The following BEND5 variants were observed in gnomAD, a reference collection of about 807,000 sequenced individuals.
The protein encoded by BEND5 is BEN domain-containing protein 5.
In BEND5, 22 loss-of-function variants were observed where a neutral mutation model predicts 43.9. The ratio of observed to expected loss-of-function variants is 0.50; its 90% CI spans 0.36 to 0.72. BEND5 has a LOEUF of 0.72. BEND5 is among the 30% of genes least tolerant of loss of function. The pLI, the probability that BEND5 is intolerant of heterozygous loss-of-function variation, is 0.00. For missense variants in BEND5, 428 were observed against 550.6 expected, an observed-to-expected ratio of 0.78 and a Z score of 2.23; for synonymous variants, 228 against 225.9, an observed-to-expected ratio of 1.01 and a Z score of -0.08.
intron 3 of BEND5, among the ~76,000 whole-genome samples, chr1:48,747,253 A>G (rs772148597): frequency 2.0e-5 from 3 of 152,162 alleles, no homozygotes; most frequent in Non-Finnish European, 4.4e-5. Flanking sequence ...TTTTTTTTTA[A>G]AAAAGGGCTT....
chr1:48,771,001 T>G (rs943949604), intron 1 of BEND5, among the ~76,000 whole-genome samples: 1 of 152,190 alleles, frequency 6.6e-6, no homozygotes, highest in Admixed American at 6.5e-5. Flanking sequence ...TCTCTTTTCT[T>G]GGGTAAAACA....
chr1:48,776,611 A>T lies in BEND5; in HGVS notation c.221T>A (p.Leu74Gln), dbSNP rs1201779222. The change falls in exon 1 of 6, where the codon CTG (leucine) becomes CAG (glutamine). Residue 74 changes from leucine (L) to glutamine (Q), a missense_variant. Leu to Gln is a moderately radical substitution (Grantham distance 113, BLOSUM62 -2). Coordinates refer to ENST00000371833, the MANE Select transcript of BEND5 (RefSeq NM_024603.4). ...CTCCCCGCCCGCTTGCTCACCTGCC[A>T]GCGCCAGGATCTGGGCCTTGTGGAG... ...LLLHKAQILA[L>Q]AEDKSDLENS... 3 of 1,308,094 alleles carry T rather than the reference A, an allele frequency of 2.3e-6. 1 individual carries two copies. The highest frequency in any genetic ancestry group is 7.3e-5 in the Admixed American group (2 of 27,214). The allele number at this position is 1,308,094 out of a possible 1,614,324, so 81.0% of individuals were successfully genotyped here. A position where few individuals can be genotyped will look rare whatever the true frequency, so the allele number is the denominator to read the frequency against.
chr1:48,740,036 A>G (rs1649666762), intron 4 of BEND5, among the ~76,000 whole-genome samples: 1 of 152,250 alleles, frequency 6.6e-6, no homozygotes, highest in Non-Finnish European at 1.5e-5. Flanking sequence ...ACAAAGCAGT[A>G]AGAAATTGAT....
intron 3 of BEND5, among the ~76,000 whole-genome samples, chr1:48,749,983 AC>A (rs1297650315): frequency 1.3e-5 from 2 of 152,138 alleles, no homozygotes; most frequent in Non-Finnish European, 2.9e-5. Flanking sequence ...TTCCTGAGGG[AC>A]CACTGTGGGC....
In BEND5 at chr1:48,776,668, G is replaced by T; in HGVS notation, c.164C>A (p.Pro55Gln). 1 of 1,498,994 alleles carries T rather than the reference G, an allele frequency of 6.7e-7. No individual in the cohort carries two copies. Among genetic ancestry groups the T allele is most frequent in the Middle Eastern group, 2.1e-4 (1 of 4,824 alleles). The allele number at this position is 1,498,994 out of a possible 1,614,324, so 92.9% of individuals were successfully genotyped here. A position where few individuals can be genotyped will look rare whatever the true frequency, so the allele number is the denominator to read the frequency against. Residue 55 changes from proline (P) to glutamine (Q), a missense_variant, in exon 1 of 6, where the codon CCG becomes CAG. Around this residue, in one of 4 missense-constraint regions of BEND5, gnomAD observed 107 missense variants for 98.8 expected, o/e 1.08. Coordinates refer to ENST00000371833, the MANE Select transcript of BEND5 (RefSeq NM_024603.4). ...EELGAGPESP[P>Q]RAPRDWGALL... ...CGCGCCCCAGTCGCGGGGGGCGCGC[G>T]GGGGGCTCTCGGGCCCGGCGCCCAA...
At chr1:48,729,916 G>A (rs1200349577) in intron 5 of BEND5, among the ~76,000 whole-genome samples, 1 of 152,176 alleles carries the variant, frequency 6.6e-6, no homozygotes, top group Admixed American at 6.5e-5. Context: ...GAAGGTAGGA[G>A]GCCCTGTCTC....
intron 4 of BEND5, among the ~76,000 whole-genome samples, chr1:48,738,303 A>G (rs553290629): frequency 6.6e-6 from 1 of 152,256 alleles, no homozygotes; most frequent in African/African-American, 2.4e-5. Context: ...TGCTGCAGGC[A>G]ATCAGATAAC....
intron 3 of BEND5, among the ~76,000 whole-genome samples, chr1:48,744,926 C>T (rs1650498419): frequency 6.6e-6 from 1 of 152,230 alleles, no homozygotes; most frequent in Admixed American, 6.5e-5. Flanking sequence ...GTCTGCCAAG[C>T]ACCCAGTTAG....
intron 3 of BEND5, among the ~76,000 whole-genome samples, chr1:48,750,269 G>A (rs527620327): frequency 6.6e-6 from 1 of 152,302 alleles, no homozygotes; most frequent in African/African-American, 2.4e-5. Context: ...TGTAGGAGGG[G>A]CTGGGGTAGT....
intron 3 of BEND5, among the ~76,000 whole-genome samples, chr1:48,755,845 C>T (rs77126389): frequency 0.014 from 2,150 of 152,298 alleles, 21 homozygotes; most frequent in Middle Eastern, 0.041. Flanking sequence ...TTCCTAGGCT[C>T]AGAAAGCATT....
In BEND5 at chr1:48,727,824, C is replaced by T; in HGVS notation, c.*62G>A. 6.7e-7 allele frequency: 1 copy of T among 1,487,228 alleles called. No individual in the cohort carries two copies. The highest frequency in any genetic ancestry group is 9.3e-7 in the Non-Finnish European group (1 of 1,080,750). 92.1% of individuals were successfully genotyped at this position (1,487,228 alleles called of 1,614,324 possible). A position where few individuals can be genotyped will look rare whatever the true frequency, so the allele number is the denominator to read the frequency against. ...CGGTGGGGTCTGATTTGGACGGCAC[C>T]ATCGCTCGCAAATCACATGCCACAC... On this transcript the variant is annotated 3_prime_UTR_variant, in exon 6 of 6. Transcript: ENST00000371833.
chr1:48,764,600 A>G (rs1295601447), intron 1 of BEND5, among the ~76,000 whole-genome samples: 1 of 152,232 alleles, frequency 6.6e-6, no homozygotes, highest in East Asian at 1.9e-4. Context: ...GTGGCCTTGA[A>G]TGCCAAGTTA....
At position 48,776,707 on chromosome 1, in the gene BEND5, C is replaced by G; in HGVS notation, c.125G>C (p.Arg42Pro). Residue 42 changes from arginine to proline, a missense_variant, in exon 1 of 6, where the codon CGG (arginine) becomes CCG (proline). Arg to Pro is a moderately radical substitution (Grantham distance 103, BLOSUM62 -2). Around this residue, in one of 4 missense-constraint regions of BEND5, gnomAD observed 107 missense variants for 98.8 expected, o/e 1.08. Transcript: ENST00000371833. ...CCCGGCGCCCAATTCCTCCGGGCCC[C>G]GGTACACGGCGTACACCTTCTGGTT... is the stretch of plus-strand genomic sequence containing the variant. ...FDNQKVYAVY[R>P]GPEELGAGPE... The G allele has an allele frequency of 6.6e-7, 1 of 1,520,654 alleles. No individual in the cohort carries two copies. The highest frequency in any genetic ancestry group is 8.8e-7 in the Non-Finnish European group (1 of 1,135,008). The allele number at this position is 1,520,654 out of a possible 1,614,324, so 94.2% of individuals were successfully genotyped here.
chr1:48,731,409 C>G (rs761081383), intron 5 of BEND5, among the ~76,000 whole-genome samples: 2 of 152,112 alleles, frequency 1.3e-5, no homozygotes, highest in Non-Finnish European at 2.9e-5. Context: ...TTCTCATTCA[C>G]GTACAAGGCA....
intron 4 of BEND5, among the ~76,000 whole-genome samples, chr1:48,742,162 T>C (rs1276154821): frequency 6.6e-6 from 1 of 152,214 alleles, no homozygotes; most frequent in Non-Finnish European, 1.5e-5. Flanking sequence ...ATTCCTGTTA[T>C]CTAGCACAGG....
intron 1 of BEND5, among the ~76,000 whole-genome samples, chr1:48,765,888 A>G (rs1644504429): frequency 6.6e-6 from 1 of 152,234 alleles, no homozygotes; most frequent in Non-Finnish European, 1.5e-5. Flanking sequence ...AAAGTAGTTT[A>G]GTTGTTACCA....
At chr1:48,749,834 A>G (rs556288085) in intron 3 of BEND5, among the ~76,000 whole-genome samples, 2 of 152,350 alleles carry the variant, frequency 1.3e-5, no homozygotes, top group South Asian at 4.1e-4. Context: ...GGGTATGTGC[A>G]GAACGCCCTG....
At chr1:48,767,069 T>C (rs1644566742) in intron 1 of BEND5, among the ~76,000 whole-genome samples, 1 of 152,172 alleles carries the variant, frequency 6.6e-6, no homozygotes, top group Admixed American at 6.5e-5. Context: ...TTACTGAACA[T>C]TCAGTGTCAT....
intron 1 of BEND5, among the ~76,000 whole-genome samples, chr1:48,766,668 C>A (rs1490737544): frequency 6.6e-6 from 1 of 152,176 alleles, no homozygotes; most frequent in Non-Finnish European, 1.5e-5. Context: ...GATTCACATG[C>A]CTCTTGACCT....
Sources: gnomAD v4.1 joint callset for allele counts (sites outside exome capture counted in the v4.1 genomes callset) on GRCh38, gnomAD v4.1.1 for gene constraint, gnomAD v4.1.1 regional missense constraint, MANE v1.5 for transcripts, NCBI Gene and HGNC (gene_info 2026-07-23, HGNC 2026-07-21) for gene names.